Variants in SEMA3A observed in about 807,000 individuals in gnomAD.
SEMA3A encodes semaphorin 3A.
Under a neutral mutation model 97.9 loss-of-function variants are expected in SEMA3A, and 29 were observed. The ratio of observed to expected loss-of-function variants is 0.30; its 90% confidence interval spans 0.22 to 0.40. The LOEUF is 0.40. Ranked by LOEUF, SEMA3A falls within the 10% of genes least tolerant of loss-of-function variation. The pLI is 1.00. For missense variants in SEMA3A, 763 were observed against 951.3 expected (o/e 0.80, Z 2.60); for synonymous variants, 321 against 323.7 (o/e 0.99, Z 0.09).
At chr7:84,043,513 A>C (rs1792224216) in intron 6 of SEMA3A, among the ~76,000 whole-genome samples, 1 of 152,056 alleles carries the variant, frequency 6.6e-6, no homozygotes, top group African/African-American at 2.4e-5. Context: ...ATTCCTGAAG[A>C]CCTTTAAAAA....
rs145418954 is a variant in SEMA3A at position 84,433,906 on chromosome 7, C to T, written c.-246+58554G>A. ...GAAGTGTCTGTTCATATTCTTCACA[C>T]ACTTTTTGATGGGTTTGTGTTTTTT... On this transcript the variant is annotated intron_variant, in intron 1 of 3. Transcript: ENST00000424555. Among the ~76,000 whole-genome samples the T allele has an allele frequency of 2.6e-5, 4 of 152,226 alleles. No individual in the cohort carries two copies. The East Asian group carries it at 7.7e-4, about 29-fold the overall frequency.
At chr7:83,995,108 A>T (rs1790155306) in intron 12 of SEMA3A, among the ~76,000 whole-genome samples, 1 of 151,614 alleles carries the variant, frequency 6.6e-6, no homozygotes, top group African/African-American at 2.4e-5. Context: ...CCTTTCTTTG[A>T]CTCGGAAAAG....
intron 7 of SEMA3A, among the ~76,000 whole-genome samples, chr7:84,011,731 A>C (rs62473924): frequency 0.13 from 20,363 of 152,212 alleles, 1,789 homozygotes; most frequent in Non-Finnish European, 0.19. Flanking sequence ...TGTATTATAC[A>C]TTTCAAAATC....
chr7:84,431,073 G>A (rs1804968086), intron 1 of SEMA3A, among the ~76,000 whole-genome samples: 1 of 151,818 alleles, frequency 6.6e-6, no homozygotes, highest in Admixed American at 6.6e-5. Context: ...ATATAGTCCT[G>A]CAATATTATT....
chr7:84,396,563 T>G (rs769264373), intron 1 of SEMA3A, among the ~76,000 whole-genome samples: 39 of 152,004 alleles, frequency 2.6e-4, no homozygotes, highest in Non-Finnish European at 5.0e-4. Context: ...AAATTTATAA[T>G]TTCATGTAAG....
intron 12 of SEMA3A, among the ~76,000 whole-genome samples, chr7:83,998,691 A>G (rs1790316689): frequency 6.6e-6 from 1 of 151,894 alleles, no homozygotes; most frequent in Non-Finnish European, 1.5e-5. Context: ...AAAAACATTT[A>G]GCTTAAAACA....
At chr7:84,484,298 A>C (rs1255361006) in intron 1 of SEMA3A, among the ~76,000 whole-genome samples, 1 of 152,192 alleles carries the variant, frequency 6.6e-6, no homozygotes, top group Admixed American at 6.5e-5. Context: ...TGGTTAACCT[A>C]AATGTTCAAA....
At chr7:83,995,890 G>A (rs1366005049) in intron 12 of SEMA3A, among the ~76,000 whole-genome samples, 5 of 152,272 alleles carry the variant, frequency 3.3e-5, no homozygotes, top group Non-Finnish European at 7.3e-5. Flanking sequence ...TGAGTTTATA[G>A]ACTAGGTTAG....
At chr7:84,321,440 T>G (rs1339473144) in intron 2 of SEMA3A, among the ~76,000 whole-genome samples, 1 of 152,110 alleles carries the variant, frequency 6.6e-6, no homozygotes, top group Non-Finnish European at 1.5e-5. Context: ...GCAATAAGCA[T>G]AAGAAAGTAA....
chr7:84,014,187 A>C lies in SEMA3A; in HGVS notation c.810+22T>G, dbSNP rs757392394. On this transcript the variant is annotated intron_variant, in intron 7 of 16. Coordinates refer to ENST00000265362, the MANE Select transcript of SEMA3A (RefSeq NM_006080.3). ...GTTATGGGAAAATGACATCCTTCTCAGTTTTTTTTTCTTTACCTCACCTTG... is the reference window on the plus strand; with the variant it reads ...GTTATGGGAAAATGACATCCTTCTCCGTTTTTTTTTCTTTACCTCACCTTG... 2.1e-5 allele frequency: 33 copies of C among 1,577,466 alleles called. No individual in the cohort carries two copies. In the Admixed American group the frequency reaches 6.1e-4, roughly 29 times the overall value.
chr7:84,405,380 C>T (rs536413523), intron 1 of SEMA3A, among the ~76,000 whole-genome samples: 34 of 152,296 alleles, frequency 2.2e-4, no homozygotes, highest in African/African-American at 7.5e-4. Flanking sequence ...TACATTAACA[C>T]CCAGATTCAT....
chr7:84,210,418 T>C (rs567960480), intron 3 of SEMA3A, among the ~76,000 whole-genome samples: 1 of 151,516 alleles, frequency 6.6e-6, no homozygotes, highest in Non-Finnish European at 1.5e-5. Flanking sequence ...TCAGCCAAAG[T>C]AAAAAAAGCC....
Position 84,114,820 on chromosome 7 carries a change from C to T in SEMA3A, c.334-4231G>A, listed in dbSNP as rs577711115. ...CTATTACAGCTGTAATCCGATCATC[C>T]ATAATTGTGTTTAATACTTCACTAT... On this transcript the variant is annotated intron_variant, in intron 3 of 16. Transcript: ENST00000265362. 2.6e-5 allele frequency among the ~76,000 whole-genome samples: 4 copies of T among 152,080 alleles called. No individual in the cohort carries two copies. The East Asian group carries it at 7.7e-4, about 29-fold the overall frequency.
At chr7:83,987,406 G>C (rs943640304) in intron 12 of SEMA3A, among the ~76,000 whole-genome samples, 5 of 152,232 alleles carry the variant, frequency 3.3e-5, no homozygotes, top group African/African-American at 1.2e-4. Flanking sequence ...TGCTCTCAGG[G>C]GGTTCAATCT....
chr7:83,986,954 C>G (rs10253332), intron 12 of SEMA3A, among the ~76,000 whole-genome samples: 23,717 of 137,558 alleles, frequency 0.17, 2,167 homozygotes, highest in Non-Finnish European at 0.22. Flanking sequence ...CCTCTCTTCT[C>G]TCATCTCTCT....
Position 84,097,241 on chromosome 7 carries a change from G to A in SEMA3A, c.453+13229C>T, listed in dbSNP as rs148765071. ...TGAACCCTGGCACGTATACAAAACC[G>A]CATTTGCAACACAAGAAAAATACAG... is the stretch of plus-strand genomic sequence containing the variant. On this transcript the variant is annotated intron_variant, in intron 4 of 16. Coordinates refer to ENST00000265362, the MANE Select transcript of SEMA3A (RefSeq NM_006080.3). 4.1e-3 allele frequency among the ~76,000 whole-genome samples: 627 copies of A among 152,170 alleles called. 3 individuals carry two copies. The highest frequency in any genetic ancestry group is 6.4e-3 in the Non-Finnish European group (433 of 67,978).
chr7:84,042,072 T>A (rs1792154176), intron 6 of SEMA3A, among the ~76,000 whole-genome samples: 1 of 152,122 alleles, frequency 6.6e-6, no homozygotes, highest in South Asian at 2.1e-4. Context: ...ATAGTTTATT[T>A]GCAGTCATAT....
intron 4 of SEMA3A, 106 bp downstream of exon 4, chr7:84,110,364 A>T (rs1361646167): frequency 2.4e-6 from 3 of 1,269,806 alleles, no homozygotes; most frequent in Non-Finnish European, 2.2e-6. Context: ...AGTAGGTCCC[A>T]CTGAATAGTG....
At chr7:84,450,543 G>C (rs1038240433) in intron 1 of SEMA3A, among the ~76,000 whole-genome samples, 4 of 152,190 alleles carry the variant, frequency 2.6e-5, no homozygotes, top group Middle Eastern at 3.2e-3. Flanking sequence ...ATGTAGACAA[G>C]ACTCCATCCA....
Sources: allele counts gnomAD v4.1 joint callset (sites outside exome capture counted in the v4.1 genomes callset), GRCh38; gene constraint gnomAD v4.1.1; transcripts MANE v1.5; gene names NCBI Gene and HGNC (gene_info 2026-07-23, HGNC 2026-07-21).